Variants in SYNPR observed in about 807,000 individuals in gnomAD.
SYNPR encodes synaptoporin.
A neutral mutation model predicts 32.9 loss-of-function variants in SYNPR; 23 were observed. The observed-to-expected ratio is 0.70, with a 90% CI of 0.50 to 0.99. The LOEUF (loss-of-function observed/expected upper bound fraction) is 0.99, where lower values mean the gene tolerates loss of function less well. Ranked by LOEUF, SYNPR falls within the 50% of genes least tolerant of loss-of-function variation. SYNPR has a pLI of 0.00. For missense variants in SYNPR, 318 were observed against 349.3 expected (o/e 0.91, Z 0.71); for synonymous variants, 146 against 135.9 (o/e 1.07, Z -0.52).
At position 63,469,599 on chromosome 3, in the gene SYNPR, T is replaced by C. The variant is rs367947263; in HGVS notation, c.85-11233T>C. Among the ~76,000 whole-genome samples the C allele has an allele frequency of 7.5e-4, 115 of 152,356 alleles. 4 individuals carry two copies. The South Asian group carries it at 0.023, about 30-fold the overall frequency. On this transcript the variant is annotated intron_variant, in intron 2 of 5. Coordinates refer to ENST00000478300, the MANE Select transcript of SYNPR (RefSeq NM_001130003.2). ...TGTCAGCTCTGCTGAATTTTTATTT[T>C]ATCTTATTATTCCATTTTGACAAAT...
At chr3:63,530,027 T>C (rs1470496428) in intron 3 of SYNPR, among the ~76,000 whole-genome samples, 2 of 152,132 alleles carry the variant, frequency 1.3e-5, no homozygotes, top group Admixed American at 6.5e-5. Flanking sequence ...GCAAAGTTGT[T>C]GGGCTGCTGC....
intron 3 of SYNPR, among the ~76,000 whole-genome samples, chr3:63,520,456 C>T (rs1391378690): frequency 3.9e-5 from 6 of 152,054 alleles, no homozygotes; most frequent in African/African-American, 7.2e-5. Flanking sequence ...GGGTGGATCA[C>T]GAGGTCAGGA....
At chr3:63,252,102 C>G (rs1418022420) in intron 1 of SYNPR, among the ~76,000 whole-genome samples, 1 of 151,776 alleles carries the variant, frequency 6.6e-6, no homozygotes, top group Non-Finnish European at 1.5e-5. Context: ...TATAAAAGAT[C>G]TGCAAGATAA....
intron 3 of SYNPR, among the ~76,000 whole-genome samples, chr3:63,540,474 G>C (rs562254312): frequency 2.6e-5 from 4 of 152,134 alleles, no homozygotes; most frequent in Non-Finnish European, 4.4e-5. Context: ...CTCAGGGAAG[G>C]CTTCGTGGAG....
At chr3:63,382,240 C>T (rs1560211678) in intron 2 of SYNPR, among the ~76,000 whole-genome samples, 1 of 152,176 alleles carries the variant, frequency 6.6e-6, no homozygotes, top group Non-Finnish European at 1.5e-5. Flanking sequence ...CCAAGGTGAT[C>T]TTCATATTCT....
At chr3:63,284,310 T>A (rs987036828) in intron 2 of SYNPR, among the ~76,000 whole-genome samples, 1 of 152,218 alleles carries the variant, frequency 6.6e-6, no homozygotes, top group African/African-American at 2.4e-5. Context: ...TGGTGCAGAC[T>A]TAAGGTCATC....
At chr3:63,449,915 A>G (rs1021980262) in intron 2 of SYNPR, among the ~76,000 whole-genome samples, 4 of 152,150 alleles carry the variant, frequency 2.6e-5, no homozygotes, top group African/African-American at 9.7e-5. Flanking sequence ...TACAAGCCCA[A>G]ATTCTTACAG....
At chr3:63,522,584 G>A (rs1384297336) in intron 3 of SYNPR, among the ~76,000 whole-genome samples, 3 of 152,112 alleles carry the variant, frequency 2.0e-5, no homozygotes, top group African/African-American at 4.8e-5. Flanking sequence ...CAGTCCCAAA[G>A]GTTGCAATAG....
chr3:63,366,943 C>G (rs1349531974), intron 2 of SYNPR, among the ~76,000 whole-genome samples: 1 of 152,128 alleles, frequency 6.6e-6, no homozygotes, highest in Non-Finnish European at 1.5e-5. Flanking sequence ...GCTGATAGAC[C>G]AGGTGGTGGT....
intron 3 of SYNPR, among the ~76,000 whole-genome samples, chr3:63,519,205 A>G (rs1460205451): frequency 1.3e-5 from 2 of 152,064 alleles, no homozygotes; most frequent in African/African-American, 4.8e-5. Flanking sequence ...CATCAGGGAT[A>G]TTGGCCCAAG....
At chr3:63,571,296 C>A (rs1022535284) in intron 4 of SYNPR, among the ~76,000 whole-genome samples, 1 of 152,108 alleles carries the variant, frequency 6.6e-6, no homozygotes, top group Non-Finnish European at 1.5e-5. Flanking sequence ...AAATAGTATA[C>A]CTGCTGTCCC....
chr3:63,388,379 CTTTTT>C (rs144044254), intron 2 of SYNPR, among the ~76,000 whole-genome samples: 3 of 83,642 alleles, frequency 3.6e-5, no homozygotes, highest in African/African-American at 1.0e-4. Flanking sequence ...GTTTGGAGCT[CTTTTT>C]TTTTTTTTTT....
At chr3:63,487,360 A>G (rs1201113943) in intron 3 of SYNPR, among the ~76,000 whole-genome samples, 1 of 152,204 alleles carries the variant, frequency 6.6e-6, no homozygotes, top group Non-Finnish European at 1.5e-5. Flanking sequence ...AATGTTACCT[A>G]TTTCATAGTA....
rs1232954687 is a variant in SYNPR at position 63,524,878 on chromosome 3, A to T, written c.210-31665A>T. 2.3e-3 allele frequency among the ~76,000 whole-genome samples: 347 copies of T among 149,168 alleles called. 1 individual carries two copies. Among genetic ancestry groups the T allele is most frequent in the African/African-American group, 7.6e-3 (308 of 40,532 alleles). On this transcript the variant is annotated intron_variant, in intron 3 of 5. Transcript: ENST00000478300. The stretch of plus-strand genomic sequence containing the variant: ...ATGTGTGTGTGTGTGTGTGAGAGAG[A>T]GAGAGAGAGAGAGAGAGAGAAGTCA...
intron 5 of SYNPR, 69 bp downstream of exon 5, chr3:63,609,385 T>C: frequency 7.4e-7 from 1 of 1,347,082 alleles, no homozygotes; most frequent in African/African-American, 1.5e-5. Context: ...AAGAAAAACA[T>C]CTCAGAAGTC....
intron 2 of SYNPR, among the ~76,000 whole-genome samples, chr3:63,350,213 TACACACAC>T (rs67609911): frequency 1.8e-4 from 26 of 144,790 alleles, no homozygotes; most frequent in Admixed American, 2.7e-4. Context: ...AATATTATTC[TACACACAC>T]ACACACACAC....
intron 3 of SYNPR, among the ~76,000 whole-genome samples, chr3:63,544,064 G>T (rs767097619): frequency 6.6e-6 from 1 of 152,022 alleles, no homozygotes; most frequent in African/African-American, 2.4e-5. Context: ...AGAGGAAACC[G>T]TTGGAGAAGA....
At chr3:63,579,161 T>C (rs1031727853) in intron 4 of SYNPR, among the ~76,000 whole-genome samples, 6 of 152,146 alleles carry the variant, frequency 3.9e-5, no homozygotes, top group Admixed American at 3.9e-4. Context: ...ATCACATCCT[T>C]TAAGGATCTC....
chr3:63,556,789 C>A (rs867963744), intron 4 of SYNPR, 48 bp downstream of exon 4: 2 of 1,523,204 alleles, frequency 1.3e-6, no homozygotes, highest in South Asian at 1.3e-5. Flanking sequence ...CTTCTAATTT[C>A]TTTTACTAAT....
Sources: allele counts gnomAD v4.1 joint callset (sites outside exome capture counted in the v4.1 genomes callset), GRCh38; gene constraint gnomAD v4.1.1; transcripts MANE v1.5; gene names NCBI Gene and HGNC (gene_info 2026-07-23, HGNC 2026-07-21).